The following SKAP1 variants were observed in gnomAD, a reference collection of about 807,000 sequenced individuals.
SKAP1 encodes src kinase associated phosphoprotein 1.
Under a neutral mutation model 58.5 loss-of-function variants are expected in SKAP1, and 44 were observed. That is an observed-to-expected ratio of 0.75 (90% CI 0.59 to 0.97). The LOEUF is 0.97. SKAP1 is among the 50% of genes least tolerant of loss of function. The pLI is 0.00. For synonymous variants in SKAP1, 127 were observed against 149.7 expected (o/e 0.85, Z 1.11); for missense variants, 390 against 435.2 (o/e 0.90, Z 0.92).
intron 11 of SKAP1, among the ~76,000 whole-genome samples, chr17:48,151,508 G>T (rs929626325): frequency 6.6e-6 from 1 of 152,124 alleles, no homozygotes; most frequent in African/African-American, 2.4e-5. Context: ...AACACTCTTA[G>T]CTTATGAGCC....
chr17:48,361,702 C>T (rs2066941194), intron 3 of SKAP1, among the ~76,000 whole-genome samples: 1 of 152,170 alleles, frequency 6.6e-6, no homozygotes, highest in South Asian at 2.1e-4. Context: ...AGGGTCCTGT[C>T]ACAGATAAAA....
At position 48,137,255 on chromosome 17, in the gene SKAP1, A is replaced by G. The variant is rs932820063; in HGVS notation, c.1061T>C (p.Phe354Ser). ...IVPKEYLTTAFEVEER is the reference protein window; with the variant it reads ...IVPKEYLTTASEVEER ...TGGGTTTCATCTTTCTTCCACTTCA[A>G]AGGCAGTGGTGAGATACTCCTTTGG... The change falls in exon 12 of 13, where the codon TTT becomes TCT. Residue 354 changes from phenylalanine (F) to serine (S), a missense_variant. Transcript: ENST00000336915. The G allele has an allele frequency of 6.2e-7, 1 of 1,613,090 alleles. No homozygotes were observed. Among genetic ancestry groups the G allele is most frequent in the Non-Finnish European group, 8.5e-7 (1 of 1,179,154 alleles).
At chr17:48,397,778 C>A (rs907624348) in intron 1 of SKAP1, among the ~76,000 whole-genome samples, 2 of 151,980 alleles carry the variant, frequency 1.3e-5, no homozygotes, top group African/African-American at 4.8e-5. Flanking sequence ...AAGGGAACTG[C>A]AATTAATGTG....
chr17:48,443,544 C>T, the SKAP1 span, among the ~76,000 whole-genome samples: 1 of 152,070 alleles, frequency 6.6e-6, no homozygotes, highest in Non-Finnish European at 1.5e-5. Context: ...GGTGCGATCT[C>T]GGCTCACTGT....
At chr17:48,281,194 T>A (rs181124410) in intron 4 of SKAP1, among the ~76,000 whole-genome samples, 1 of 152,088 alleles carries the variant, frequency 6.6e-6, no homozygotes, top group East Asian at 1.9e-4. Context: ...CCCGGCTAAT[T>A]TTTTGTATTT....
At chr17:48,365,779 CT>C (rs11320627) in intron 2 of SKAP1, among the ~76,000 whole-genome samples, 60,990 of 139,430 alleles carry the variant, frequency 0.44, 13,573 homozygotes, top group African/African-American at 0.58. Context: ...TGCGTCGGAG[CT>C]TTTTTTTTTT....
intron 4 of SKAP1, among the ~76,000 whole-genome samples, chr17:48,220,852 C>CAA (rs56006389): frequency 2.0e-3 from 170 of 83,588 alleles, no homozygotes; most frequent in African/African-American, 3.0e-3. Flanking sequence ...GACTCCATCT[C>CAA]AAAAAAAAAA....
At chr17:48,171,752 T>TGTGTGA (rs1200038548) in intron 9 of SKAP1, among the ~76,000 whole-genome samples, 1 of 152,004 alleles carries the variant, frequency 6.6e-6, no homozygotes, top group Admixed American at 6.6e-5. Context: ...TGTGTGTGTG[T>TGTGTGA]GTGTGTGTGT....
At chr17:48,433,188 T>C (rs1212918736), upstream of SKAP1, among the ~76,000 whole-genome samples, 1 of 152,218 alleles carries the variant, frequency 6.6e-6, no homozygotes, top group Non-Finnish European at 1.5e-5. Context: ...TGAAGCCTTG[T>C]CCTTTTTTGA....
intron 3 of SKAP1, among the ~76,000 whole-genome samples, chr17:48,355,477 T>C (rs1428846765): frequency 6.6e-6 from 1 of 152,140 alleles, no homozygotes; most frequent in African/African-American, 2.4e-5. Context: ...GGGGTCTCTC[T>C]GTATTGCCCA....
chr17:48,349,697 A>T (rs1484960852), intron 3 of SKAP1, among the ~76,000 whole-genome samples: 1 of 152,158 alleles, frequency 6.6e-6, no homozygotes, highest in East Asian at 1.9e-4. Context: ...AGGGGCCCAT[A>T]AGCAGGATGA....
chr17:48,174,294 A>C (rs1490417291), intron 9 of SKAP1, among the ~76,000 whole-genome samples: 2 of 152,240 alleles, frequency 1.3e-5, no homozygotes, highest in African/African-American at 4.8e-5. Flanking sequence ...AAGTAGGCTC[A>C]AATCAAGAAG....
intron 4 of SKAP1, among the ~76,000 whole-genome samples, chr17:48,277,537 C>T (rs1319625975): frequency 1.3e-5 from 2 of 152,098 alleles, no homozygotes; most frequent in Non-Finnish European, 2.9e-5. Context: ...ACAGCCTTTT[C>T]AATTCCCACT....
chr17:48,283,689 C>T (rs17621806), intron 4 of SKAP1, among the ~76,000 whole-genome samples: 2,925 of 152,208 alleles, frequency 0.019, 38 homozygotes, highest in Non-Finnish European at 0.031. Context: ...AAGTGAGCGA[C>T]GGCTGGATAC....
At chr17:48,271,362 CTTTTT>C (rs35447830) in intron 4 of SKAP1, among the ~76,000 whole-genome samples, 1 of 106,278 alleles carries the variant, frequency 9.4e-6, no homozygotes, top group African/African-American at 3.5e-5. Context: ...TTCTTTGTTT[CTTTTT>C]TTTTTTTTTT....
intron 10 of SKAP1, among the ~76,000 whole-genome samples, chr17:48,166,189 GA>G (rs985171300): frequency 7.9e-5 from 12 of 151,640 alleles, no homozygotes; most frequent in Admixed American, 7.2e-4. Context: ...TTTTTCTAGA[GA>G]AAAAAAAGCA....
rs2064429059 is a variant in SKAP1 at position 48,185,041 on chromosome 17, A to G, written c.443-194T>C. On this transcript the variant is annotated intron_variant, in intron 6 of 12. Transcript: ENST00000336915. The stretch of plus-strand genomic sequence containing the variant: ...GTAAGGCAGATATCACTGCCAAGCT[A>G]GGGAAATGCAACGTGAAAGGTTATT... The G allele has an allele frequency of 9.3e-6, 5 of 538,340 alleles. No homozygotes were observed. In the South Asian group the frequency reaches 1.1e-4, roughly 12 times the overall value. The allele number at this position is 538,340 out of a possible 1,614,324, so 33.3% of individuals were successfully genotyped here.
intron 4 of SKAP1, among the ~76,000 whole-genome samples, chr17:48,324,975 G>A (rs1274741839): frequency 1.3e-5 from 2 of 151,910 alleles, no homozygotes; most frequent in African/African-American, 2.4e-5. Context: ...ATTGCCAGGC[G>A]CGGTGGCTCA....
At chr17:48,413,120 T>C (rs1279795795) in intron 1 of SKAP1, among the ~76,000 whole-genome samples, 1 of 151,516 alleles carries the variant, frequency 6.6e-6, no homozygotes, top group African/African-American at 2.4e-5. Context: ...ATCTCTAGTA[T>C]TATATGTGCT....
Sources: allele counts gnomAD v4.1 joint callset (sites outside exome capture counted in the v4.1 genomes callset), GRCh38; gene constraint gnomAD v4.1.1; transcripts MANE v1.5; gene names NCBI Gene and HGNC (gene_info 2026-07-23, HGNC 2026-07-21).